PDE4B: variants seen among roughly 807,000 people sequenced by gnomAD.
The protein encoded by PDE4B is phosphodiesterase 4B.
PDE4B carries 20 observed loss-of-function variants against 82.2 expected under a neutral mutation model. The ratio of observed to expected loss-of-function variants is 0.24; its 90% CI spans 0.17 to 0.35. PDE4B has a LOEUF of 0.35. Among genes scored for constraint, PDE4B ranks in the 10% least tolerant of loss-of-function variants. The pLI is 1.00. For missense variants in PDE4B, 655 were observed against 907.2 expected (o/e 0.72, Z 3.57); for synonymous variants, 320 against 318.9 (o/e 1.00, Z -0.04).
At chr1:66,043,737 G>A (rs17128314) in intron 3 of PDE4B, among the ~76,000 whole-genome samples, 9,654 of 151,786 alleles carry the variant, frequency 0.064, 545 homozygotes, top group East Asian at 0.26. Context: ...CAAACACTTG[G>A]AACTGTTTGA....
intron 1 of PDE4B, among the ~76,000 whole-genome samples, chr1:65,899,305 A>C (rs1391230138): frequency 6.6e-6 from 1 of 152,044 alleles, no homozygotes; most frequent in African/African-American, 2.4e-5. Flanking sequence ...ATAATAAAAA[A>C]AATAAAAAAT....
At chr1:65,949,776 G>T (rs190773448) in intron 3 of PDE4B, among the ~76,000 whole-genome samples, 2 of 144,776 alleles carry the variant, frequency 1.4e-5, no homozygotes, top group South Asian at 2.1e-4. Flanking sequence ...AACTTCAAAC[G>T]TGTGTGTGTG....
At chr1:66,074,014 A>C (rs141879059) in intron 3 of PDE4B, among the ~76,000 whole-genome samples, 251 of 152,212 alleles carry the variant, frequency 1.6e-3, no homozygotes, top group African/African-American at 5.5e-3. Flanking sequence ...CAAGGCTGGA[A>C]TCCCTCAGCC....
intron 1 of PDE4B, among the ~76,000 whole-genome samples, chr1:65,889,642 A>T (rs903169603): frequency 1.3e-5 from 2 of 152,162 alleles, no homozygotes; most frequent in Non-Finnish European, 2.9e-5. Flanking sequence ...TGAGGTGCCA[A>T]ATAACTCAAC....
chr1:65,915,085 A>G (rs1456539088), intron 2 of PDE4B, among the ~76,000 whole-genome samples: 2 of 152,202 alleles, frequency 1.3e-5, no homozygotes, highest in Non-Finnish European at 1.5e-5. Flanking sequence ...ACTAAATTTT[A>G]CCTGTTTCTT....
intron 7 of PDE4B, among the ~76,000 whole-genome samples, chr1:66,270,807 A>C (rs1655421813): frequency 6.6e-6 from 1 of 152,216 alleles, no homozygotes; most frequent in Non-Finnish European, 1.5e-5. Flanking sequence ...AAAAGAGATA[A>C]AAAAGAATGG....
chr1:66,057,641 T>C (rs1655372652), intron 3 of PDE4B, among the ~76,000 whole-genome samples: 1 of 152,162 alleles, frequency 6.6e-6, no homozygotes, highest in African/African-American at 2.4e-5. Context: ...ACGTCTTACA[T>C]GGATGGCAGC....
chr1:65,990,745 C>T (rs909016982), intron 3 of PDE4B, among the ~76,000 whole-genome samples: 3 of 152,084 alleles, frequency 2.0e-5, no homozygotes, highest in Admixed American at 2.0e-4. Context: ...ACATCAGCAG[C>T]TAATATGATT....
chr1:65,796,142 G>A (rs547916932), intron 1 of PDE4B, among the ~76,000 whole-genome samples: 2 of 152,172 alleles, frequency 1.3e-5, no homozygotes, highest in African/African-American at 2.4e-5. Flanking sequence ...AGAGTTTCAA[G>A]AATATTTTCT....
chr1:66,065,672 A>G (rs536207069), intron 3 of PDE4B, among the ~76,000 whole-genome samples: 1 of 151,956 alleles, frequency 6.6e-6, no homozygotes, highest in African/African-American at 2.4e-5. Context: ...ATCTAGTCCA[A>G]CTTCCTCATT....
chr1:66,085,198 C>T lies in PDE4B; in HGVS notation c.282-162262C>T, dbSNP rs72920258. Among the ~76,000 whole-genome samples, 1,355 of 152,234 alleles carry T rather than the reference C, an allele frequency of 8.9e-3. 21 individuals are homozygous for T. Among genetic ancestry groups the T allele is most frequent in the African/African-American group, 0.03 (1,242 of 41,532 alleles). On this transcript the variant is annotated intron_variant, in intron 3 of 16. Transcript: ENST00000341517. ...GAGTCAATGTCTTTGCAGGCAGCTG[C>T]GGGTTTAACAACCTCCCCAAGTGCT...
chr1:66,100,234 G>A (rs1301721907), intron 3 of PDE4B, among the ~76,000 whole-genome samples: 1 of 151,974 alleles, frequency 6.6e-6, no homozygotes, highest in African/African-American at 2.4e-5. Flanking sequence ...TGTATTTTTA[G>A]TAGAGATGGG....
chr1:65,818,493 T>C (rs1030710382), intron 1 of PDE4B, among the ~76,000 whole-genome samples: 2 of 152,016 alleles, frequency 1.3e-5, no homozygotes, highest in Admixed American at 6.6e-5. Flanking sequence ...ATCTATTCCT[T>C]TCTTGTGTTC....
chr1:66,358,554 G>T (rs538411520), intron 9 of PDE4B, among the ~76,000 whole-genome samples: 3 of 151,882 alleles, frequency 2.0e-5, no homozygotes, highest in East Asian at 1.9e-4. Context: ...CATGCCTGTG[G>T]TCCCAGCTAC....
Position 65,836,909 on chromosome 1 carries a change from T to A in PDE4B, c.-71+43661T>A, listed in dbSNP as rs151212287. On this transcript the variant is annotated intron_variant, in intron 1 of 16. Transcript: ENST00000341517. The stretch of plus-strand genomic sequence containing the variant: ...GAGACACTGCTTTCTTTGTTTATAG[T>A]CTTCATGGGGCTTAAGCAGTAAAAC... Among the ~76,000 whole-genome samples, 1,069 of 152,268 alleles carry A rather than the reference T, an allele frequency of 7.0e-3. 12 individuals carry two copies. Among genetic ancestry groups the A allele is most frequent in the Non-Finnish European group, 8.6e-3 (587 of 68,006 alleles).
intron 3 of PDE4B, among the ~76,000 whole-genome samples, chr1:66,209,166 A>G (rs17128527): frequency 0.026 from 3,909 of 152,316 alleles, 70 homozygotes; most frequent in Middle Eastern, 0.095. Context: ...CCACACAGCA[A>G]TCTGCATGCA....
At chr1:66,186,462 C>G (rs1475204140) in intron 3 of PDE4B, among the ~76,000 whole-genome samples, 2 of 152,092 alleles carry the variant, frequency 1.3e-5, no homozygotes, top group Non-Finnish European at 2.9e-5. Context: ...TCTTCCTACC[C>G]ATGAGCATGG....
At chr1:66,105,889 G>T (rs536222880) in intron 3 of PDE4B, among the ~76,000 whole-genome samples, 60 of 152,062 alleles carry the variant, frequency 3.9e-4, no homozygotes, top group Non-Finnish European at 7.1e-4. Context: ...CTGCAAACAG[G>T]TACAATTTGA....
intron 3 of PDE4B, among the ~76,000 whole-genome samples, chr1:66,106,080 C>A (rs1645347078): frequency 6.6e-6 from 1 of 151,940 alleles, no homozygotes; most frequent in African/African-American, 2.4e-5. Flanking sequence ...GTGGGTTTGT[C>A]ATAGATAGCT....
Sources: allele counts gnomAD v4.1 joint callset (sites outside exome capture counted in the v4.1 genomes callset), GRCh38; gene constraint gnomAD v4.1.1; transcripts MANE v1.5; gene names NCBI Gene and HGNC (gene_info 2026-07-23, HGNC 2026-07-21).